SLC1A2: variants seen among roughly 807,000 people sequenced by gnomAD.
SLC1A2 encodes excitatory amino acid transporter 2.
SLC1A2 carries 15 observed loss-of-function variants against 48.8 expected under a neutral mutation model. The observed-to-expected ratio is 0.31, with a 90% CI of 0.21 to 0.47. The LOEUF is 0.47. Among genes scored for constraint, SLC1A2 ranks in the 20% least tolerant of loss-of-function variants. The probability of loss-of-function intolerance (pLI) is 0.99; values close to 1 mark genes in which losing one functional copy is unlikely to be tolerated. For missense variants in SLC1A2, 502 were observed against 730.5 expected (o/e 0.69, Z 3.61); for synonymous variants, 279 against 272.6 (o/e 1.02, Z -0.23).
chr11:35,323,720 A>G (rs904955764), intron 1 of SLC1A2, among the ~76,000 whole-genome samples: 4 of 152,248 alleles, frequency 2.6e-5, no homozygotes, highest in African/African-American at 9.6e-5. Context: ...GGAAAGGTAG[A>G]GATGAGCGAC....
chr11:35,327,391 A>G (rs999129003), intron 1 of SLC1A2, among the ~76,000 whole-genome samples: 2 of 152,218 alleles, frequency 1.3e-5, no homozygotes, highest in African/African-American at 2.4e-5. Context: ...TGCCCAAAGA[A>G]CACCTTATAC....
chr11:35,367,894 A>G (rs1853907497), intron 1 of SLC1A2, among the ~76,000 whole-genome samples: 1 of 152,206 alleles, frequency 6.6e-6, no homozygotes, highest in African/African-American at 2.4e-5. Flanking sequence ...CCTGCCATAA[A>G]TAGAGGGTGG....
At chr11:35,278,646 T>G (rs1342405817) in intron 9 of SLC1A2, among the ~76,000 whole-genome samples, 3 of 152,130 alleles carry the variant, frequency 2.0e-5, no homozygotes, top group Non-Finnish European at 4.4e-5. Context: ...CAGCTGTCCT[T>G]CCTCCCTTCG....
intron 1 of SLC1A2, among the ~76,000 whole-genome samples, chr11:35,397,501 T>G (rs1855001175): frequency 6.6e-6 from 1 of 150,994 alleles, no homozygotes; most frequent in Non-Finnish European, 1.5e-5. Context: ...ACTGGATCCC[T>G]TCCTTACACC....
At chr11:35,270,059 A>G (rs527799007) in intron 9 of SLC1A2, among the ~76,000 whole-genome samples, 5 of 152,326 alleles carry the variant, frequency 3.3e-5, no homozygotes, top group Admixed American at 1.3e-4. Context: ...GTGAGTCAAG[A>G]TTGTGCCATT....
At chr11:35,364,923 G>T (rs1853791596) in intron 1 of SLC1A2, among the ~76,000 whole-genome samples, 1 of 152,216 alleles carries the variant, frequency 6.6e-6, no homozygotes, top group South Asian at 2.1e-4. Context: ...TTACAGATGA[G>T]AAAATGGAGA....
intron 9 of SLC1A2, among the ~76,000 whole-genome samples, chr11:35,272,218 G>A (rs1018921030): frequency 6.6e-6 from 1 of 152,226 alleles, no homozygotes; most frequent in Non-Finnish European, 1.5e-5. Context: ...GTCCAGAGTG[G>A]AGATAAAGGC....
At chr11:35,378,865 A>G (rs1854326965) in intron 1 of SLC1A2, among the ~76,000 whole-genome samples, 1 of 152,232 alleles carries the variant, frequency 6.6e-6, no homozygotes, top group African/African-American at 2.4e-5. Context: ...AATGTAGCTC[A>G]TGGAAGGGGA....
chr11:35,337,740 C>T (rs1172691622), intron 1 of SLC1A2, among the ~76,000 whole-genome samples: 2 of 152,156 alleles, frequency 1.3e-5, no homozygotes, highest in Non-Finnish European at 1.5e-5. Flanking sequence ...TGTGCTGCCT[C>T]TTATCTGAGC....
intron 1 of SLC1A2, among the ~76,000 whole-genome samples, chr11:35,365,773 C>T (rs996728670): frequency 2.0e-5 from 3 of 152,220 alleles, no homozygotes; most frequent in Admixed American, 6.5e-5. Context: ...GCTGTGCACA[C>T]CTCCATCGAG....
At chr11:35,390,485 A>G (rs1164569281) in intron 1 of SLC1A2, among the ~76,000 whole-genome samples, 1 of 152,180 alleles carries the variant, frequency 6.6e-6, no homozygotes, top group Non-Finnish European at 1.5e-5. Flanking sequence ...GTTACGTTTT[A>G]CTGACCACTC....
rs1771076490 is a variant in SLC1A2 at position 35,258,573 on chromosome 11, C to T, written c.*2321G>A. ...CAGAAAAAAGCTCTTGGGAACACCA[C>T]TTAAAGAAAATCCTAAACAGTTTCA... On this transcript the variant is annotated 3_prime_UTR_variant, in exon 11 of 11. Coordinates refer to ENST00000278379, the MANE Select transcript of SLC1A2 (RefSeq NM_004171.4). The T allele has an allele frequency of 6.6e-6, 1 of 152,638 alleles. No individual in the cohort carries two copies. The highest frequency in any genetic ancestry group is 2.1e-4 in the South Asian group (1 of 4,830). The allele number at this position is 152,638 out of a possible 1,614,324, so 9.5% of individuals were successfully genotyped here. A position where few individuals can be genotyped will look rare whatever the true frequency, so the allele number is the denominator to read the frequency against.
At chr11:35,323,024 A>C in intron 1 of SLC1A2, 1 of 478,644 alleles carries the variant, frequency 2.1e-6, no homozygotes, top group Non-Finnish European at 3.7e-6. Flanking sequence ...GTGTTGTCAC[A>C]GATCCTGCAA....
intron 10 of SLC1A2, among the ~76,000 whole-genome samples, chr11:35,264,453 C>A (rs1476196085): frequency 6.6e-6 from 1 of 152,170 alleles, no homozygotes; most frequent in Non-Finnish European, 1.5e-5. Flanking sequence ...AGAAACCAAC[C>A]CCCAGAGTTG....
At chr11:35,308,827 C>T (rs1312354419) in intron 4 of SLC1A2, among the ~76,000 whole-genome samples, 1 of 152,164 alleles carries the variant, frequency 6.6e-6, no homozygotes, top group Non-Finnish European at 1.5e-5. Flanking sequence ...ATAAAACCTG[C>T]AAAACCATAA....
intron 9 of SLC1A2, among the ~76,000 whole-genome samples, chr11:35,273,305 G>C (rs987999537): frequency 9.2e-5 from 14 of 152,190 alleles, no homozygotes; most frequent in African/African-American, 3.4e-4. Flanking sequence ...CATGGGGTTA[G>C]GGAAGAAAAG....
At chr11:35,329,065 A>G (rs1852341364) in intron 1 of SLC1A2, among the ~76,000 whole-genome samples, 1 of 152,220 alleles carries the variant, frequency 6.6e-6, no homozygotes, top group South Asian at 2.1e-4. Context: ...ATTATTCAGC[A>G]CTGAAAAGAA....
intron 1 of SLC1A2, among the ~76,000 whole-genome samples, chr11:35,403,932 C>A (rs2135278857): frequency 6.9e-6 from 1 of 145,100 alleles, no homozygotes; most frequent in Non-Finnish European, 1.5e-5. Flanking sequence ...CAGCTTAGCT[C>A]AAAGGCAAAG....
intron 1 of SLC1A2, among the ~76,000 whole-genome samples, chr11:35,324,894 C>T (rs1459342099): frequency 1.3e-5 from 2 of 152,146 alleles, no homozygotes; most frequent in African/African-American, 4.8e-5. Context: ...AATGAGCCTC[C>T]AGGGCCCAAT....
Sources: allele counts gnomAD v4.1 joint callset (sites outside exome capture counted in the v4.1 genomes callset), GRCh38; gene constraint gnomAD v4.1.1; transcripts MANE v1.5; gene names NCBI Gene and HGNC (gene_info 2026-07-23, HGNC 2026-07-21).